Variants in SLC25A18 observed in about 807,000 individuals in gnomAD.
SLC25A18 encodes the protein solute carrier family 25 member 18.
Under a neutral mutation model 31.1 loss-of-function variants are expected in SLC25A18, and 24 were observed. That is an observed-to-expected ratio of 0.77 (90% CI 0.56 to 1.08). The LOEUF (loss-of-function observed/expected upper bound fraction) is 1.08. Ranked by LOEUF, SLC25A18 falls within the 50% of genes least tolerant of loss-of-function variation. SLC25A18 has a pLI of 0.00. For synonymous variants in SLC25A18, 173 were observed against 161.9 expected, an observed-to-expected ratio of 1.07 and a Z score of -0.52; for missense variants, 371 against 418.5, an observed-to-expected ratio of 0.89 and a Z score of 0.99.
intron 2 of SLC25A18, among the ~76,000 whole-genome samples, chr22:17,571,350 C>T (rs952500530): frequency 3.9e-5 from 6 of 152,146 alleles, no homozygotes; most frequent in Non-Finnish European, 8.8e-5. Flanking sequence ...ACAGGAAGAA[C>T]GAAAAGCTAT....
In SLC25A18 at chr22:17,582,341, A is replaced by G. The variant is rs182972778; in HGVS notation, c.200-222A>G. ...CAGTGCGCCGAGATCGCGCCACTGC[A>G]CTCCAGCCTGGGCGACAGAGCGAGA... On this transcript the variant is annotated intron_variant, in intron 5 of 10. Coordinates refer to ENST00000327451, the MANE Select transcript of SLC25A18 (RefSeq NM_031481.3). 434 of 378,988 alleles carry G rather than the reference A, an allele frequency of 1.1e-3. 1 individual carries two copies. The highest frequency in any genetic ancestry group is 8.1e-3 in the African/African-American group (389 of 48,132). The allele number at this position is 378,988 out of a possible 1,614,324, so 23.5% of individuals were successfully genotyped here.
At chr22:17,581,553 G>T in intron 5 of SLC25A18, 140 bp downstream of exon 5, 1 of 909,152 alleles carries the variant, frequency 1.1e-6, no homozygotes, top group South Asian at 1.6e-5. Context: ...TGTGCTCTTG[G>T]GTGGAGACAG....
Position 17,581,092 on chromosome 22 carries a change from G to A in SLC25A18, c.76G>A (p.Val26Met), listed in dbSNP as rs746184167. ...AGCAGGGCTCGTGGGGGTGACCTGC[G>A]TGTTCCCCATCGACTTGGCCAAGAC... ...GVAGLVGVTC[V>M]FPIDLAKTRL... The change falls in exon 4 of 11, where the codon GTG (valine) becomes ATG (methionine). Residue 26 changes from valine to methionine, a missense_variant. Val to Met is a conservative substitution (Grantham distance 21). Transcript: ENST00000327451. The A allele has an allele frequency of 7.6e-6, 12 of 1,571,812 alleles. No individual in the cohort carries two copies. The East Asian group carries it at 2.6e-4, about 33-fold the overall frequency.
intron 1 of SLC25A18, 187 bp from the exon 2 acceptor site, chr22:17,569,737 G>C: frequency 1.0e-6 from 1 of 985,410 alleles, no homozygotes; most frequent in Non-Finnish European, 1.2e-6. Flanking sequence ...GGGAGGTGCA[G>C]CGTGGCTTGA....
At chr22:17,583,357 G>A in intron 6 of SLC25A18, 59 bp from the exon 7 acceptor site, 2 of 1,602,928 alleles carry the variant, frequency 1.2e-6, no homozygotes, top group Non-Finnish European at 1.7e-6. Flanking sequence ...CAAGAGGGCA[G>A]CTGCACCAGG....
At chr22:17,584,469 G>GAA (rs1296203345) in intron 7 of SLC25A18, among the ~76,000 whole-genome samples, 49 of 121,690 alleles carry the variant, frequency 4.0e-4, no homozygotes, top group Non-Finnish European at 4.2e-4. Context: ...GAGAGAGAGA[G>GAA]AGAAAGAAAG....
chr22:17,568,740 T>A (rs2057008613), intron 1 of SLC25A18, among the ~76,000 whole-genome samples: 1 of 150,806 alleles, frequency 6.6e-6, no homozygotes, highest in African/African-American at 2.4e-5. Flanking sequence ...TTTTTGTATT[T>A]TTAGTAGAAA....
Position 17,581,361 on chromosome 22 carries a change from C to G in SLC25A18, c.147C>G (p.Ile49Met). Residue 49 changes from isoleucine (I) to methionine (M), a missense_variant, in exon 5 of 11, where the codon ATC (isoleucine) becomes ATG (methionine). Ile to Met is a conservative substitution (Grantham distance 10). Transcript: ENST00000327451. ...QHGKAMYKGM[I>M]DCLMKTARAE... ...CTACTCTGGCCTCTGCTTCCAGGAT[C>G]GACTGCCTGATGAAGACGGCTCGGG... is the stretch of plus-strand genomic sequence containing the variant. 6.2e-7 allele frequency: 1 copy of G among 1,614,060 alleles called. No homozygotes were observed. The highest frequency in any genetic ancestry group is 8.5e-7 in the Non-Finnish European group (1 of 1,180,008).
intron 4 of SLC25A18, 24 bp from the exon 5 acceptor site, chr22:17,581,334 T>C: frequency 6.2e-7 from 1 of 1,613,686 alleles, no homozygotes; most frequent in Middle Eastern, 1.7e-4. Flanking sequence ...GCACACTTAC[T>C]CCTACTCTGG....
At chr22:17,568,527 CTG>C (rs1245068380) in intron 1 of SLC25A18, among the ~76,000 whole-genome samples, 3 of 145,086 alleles carry the variant, frequency 2.1e-5, no homozygotes, top group African/African-American at 7.6e-5. Flanking sequence ...TGAGGCTAAA[CTG>C]TGGGAGCCGA....
chr22:17,576,372 A>G (rs147940257), intron 2 of SLC25A18, among the ~76,000 whole-genome samples: 5 of 152,258 alleles, frequency 3.3e-5, no homozygotes, highest in East Asian at 1.9e-4. Flanking sequence ...AAAGAAAAAA[A>G]AAAGAAGTCT....
chr22:17,568,613 G>A (rs2057003710), intron 1 of SLC25A18, among the ~76,000 whole-genome samples: 1 of 131,712 alleles, frequency 7.6e-6, no homozygotes, highest in African/African-American at 2.9e-5. Flanking sequence ...CCAGGCTGGA[G>A]TGCAGTGGTG....
Position 17,587,770 on chromosome 22 carries a change from C to T in SLC25A18, c.576-155C>T, listed in dbSNP as rs900330500. 4 of 856,664 alleles carry T rather than the reference C, an allele frequency of 4.7e-6. No homozygotes were observed. In the Admixed American group the frequency reaches 1.0e-4, roughly 22 times the overall value. 53.1% of individuals were successfully genotyped at this position (856,664 alleles called of 1,614,324 possible). On this transcript the variant is annotated intron_variant, in intron 8 of 10. Coordinates refer to ENST00000327451, the MANE Select transcript of SLC25A18 (RefSeq NM_031481.3). ...CAACAGCTCTTTTGTCCCCTGCTGT[C>T]CCTCACCCACGCTCACGGGGCACAA...
chr22:17,565,069 T>G (rs1398677788), intron 1 of SLC25A18, among the ~76,000 whole-genome samples: 2 of 151,718 alleles, frequency 1.3e-5, no homozygotes, highest in African/African-American at 4.8e-5. Flanking sequence ...ACTCATTCTG[T>G]TTTTGTTTTG....
intron 2 of SLC25A18, among the ~76,000 whole-genome samples, chr22:17,578,552 A>G (rs903601472): frequency 2.6e-5 from 4 of 152,148 alleles, no homozygotes; most frequent in Non-Finnish European, 5.9e-5. Flanking sequence ...CGGAGAGAAG[A>G]GGCTCCTCAG....
At chr22:17,583,378 G>A (rs1601325712) in intron 6 of SLC25A18, 38 bp from the exon 7 acceptor site, 1 of 1,612,886 alleles carries the variant, frequency 6.2e-7, no homozygotes, top group Non-Finnish European at 8.5e-7. Flanking sequence ...GCAGGCCTGT[G>A]GCCTGCGGCT....
intron 1 of SLC25A18, among the ~76,000 whole-genome samples, chr22:17,565,574 A>T (rs542041154): frequency 3.1e-4 from 47 of 151,938 alleles, no homozygotes; most frequent in African/African-American, 6.0e-4. Context: ...GTAATTTTTT[A>T]AAAAAATTTT....
intron 2 of SLC25A18, among the ~76,000 whole-genome samples, chr22:17,573,360 C>T (rs568998457): frequency 2.0e-5 from 3 of 152,246 alleles, no homozygotes; most frequent in African/African-American, 7.2e-5. Context: ...TCCTCTCTGA[C>T]TTCCTCCCCA....
intron 10 of SLC25A18, 31 bp from the exon 11 acceptor site, chr22:17,590,064 C>G: frequency 2.5e-6 from 4 of 1,612,702 alleles, no homozygotes; most frequent in Non-Finnish European, 2.5e-6. Context: ...TGCCCCTGCC[C>G]ATCAGCTCAC....
Sources: gnomAD v4.1 joint callset for allele counts (sites outside exome capture counted in the v4.1 genomes callset) on GRCh38, gnomAD v4.1.1 for gene constraint, MANE v1.5 for transcripts, NCBI Gene and HGNC (gene_info 2026-07-23, HGNC 2026-07-21) for gene names.